The following METTL15 variants were observed in gnomAD, a reference collection of about 807,000 sequenced individuals.
METTL15 encodes methyltransferase 15, mitochondrial 12S rRNA N4-cytidine.
In METTL15, 34 loss-of-function variants were observed where a neutral mutation model predicts 38.3. The observed-to-expected ratio is 0.89, with a 90% CI of 0.68 to 1.18. The LOEUF is 1.18. Among genes scored for constraint, METTL15 ranks in the 50% most tolerant of loss-of-function variants. The pLI is 0.00. For missense variants in METTL15, 438 were observed against 498.4 expected, an observed-to-expected ratio of 0.88 and a Z score of 1.15; for synonymous variants, 162 against 170.9, an observed-to-expected ratio of 0.95 and a Z score of 0.41.
intron 4 of METTL15, among the ~76,000 whole-genome samples, chr11:28,259,174 C>T (rs956828379): frequency 2.6e-5 from 4 of 152,046 alleles, no homozygotes; most frequent in Non-Finnish European, 4.4e-5. Context: ...AAATGTCATC[C>T]AAGAGCTAGA....
intron 6 of METTL15, among the ~76,000 whole-genome samples, chr11:28,476,710 C>CCTACCCTGGATCCTACCCTGAT (rs1265147467): frequency 2.0e-5 from 3 of 152,174 alleles, no homozygotes; most frequent in Non-Finnish European, 4.4e-5. Flanking sequence ...CTACCCTGGT[C>CCTACCCTGGATCCTACCCTGAT]ACATGTTGGT....
chr11:28,357,913 T>A (rs10767714), intron 4 of METTL15, among the ~76,000 whole-genome samples: 64,250 of 151,942 alleles, frequency 0.42, 15,019 homozygotes, highest in Admixed American at 0.54. Context: ...CAAGTGTTAT[T>A]GGCAGAATTT....
At chr11:28,376,458 A>G (rs1372766118) in intron 5 of METTL15, among the ~76,000 whole-genome samples, 2 of 151,924 alleles carry the variant, frequency 1.3e-5, no homozygotes, top group Non-Finnish European at 1.5e-5. Flanking sequence ...TTGGTTTAAA[A>G]TCTGTTTTAT....
At chr11:28,262,766 A>G (rs971210728) in intron 4 of METTL15, among the ~76,000 whole-genome samples, 6 of 152,046 alleles carry the variant, frequency 3.9e-5, no homozygotes, top group African/African-American at 1.4e-4. Flanking sequence ...ACACCTTCTC[A>G]TTCAGATTAA....
intron 6 of METTL15, among the ~76,000 whole-genome samples, chr11:28,428,903 A>T (rs1850887303): frequency 1.3e-5 from 2 of 152,066 alleles, no homozygotes; most frequent in Admixed American, 1.3e-4. Context: ...CCTATTCCTA[A>T]AGCCCAGGCC....
At position 28,330,531 on chromosome 11, in the gene METTL15, C is replaced by T. The variant is rs1271756160; in HGVS notation, c.914C>T (p.Thr305Ile). The T allele has an allele frequency of 6.4e-7, 1 of 1,551,684 alleles. No homozygotes were observed. Among genetic ancestry groups the T allele is most frequent in the Non-Finnish European group, 8.7e-7 (1 of 1,146,982 alleles). Residue 305 changes from threonine (T) to isoleucine (I), a missense_variant, in exon 7 of 7, where the codon ACA becomes ATA. Transcript: ENST00000407364. ...ELNELYTGLK[T>I]AQKFLRPGGR... Reference sequence around the variant, plus strand: ...AATGAACTCTACACGGGACTGAAGACAGCTCAGAAGTTTCTGAGACCTGGT... The same window carrying T: ...AATGAACTCTACACGGGACTGAAGATAGCTCAGAAGTTTCTGAGACCTGGT...
At chr11:28,345,724 A>G (rs1849990560) in intron 3 of METTL15, among the ~76,000 whole-genome samples, 1 of 152,158 alleles carries the variant, frequency 6.6e-6, no homozygotes, top group Non-Finnish European at 1.5e-5. Context: ...TTTAAAATAA[A>G]ATGACCAAAA....
At chr11:28,339,667 G>A (rs1255693097) in intron 3 of METTL15, among the ~76,000 whole-genome samples, 1 of 152,072 alleles carries the variant, frequency 6.6e-6, no homozygotes, top group Admixed American at 6.6e-5. Flanking sequence ...TGGAGAGAAA[G>A]TGACAGAATT....
intron 5 of METTL15, among the ~76,000 whole-genome samples, chr11:28,422,211 T>C (rs1410144584): frequency 6.6e-6 from 1 of 151,966 alleles, no homozygotes; most frequent in Non-Finnish European, 1.5e-5. Context: ...ATGGAAGCTA[T>C]TACATGTTTA....
At chr11:28,329,379 G>T (rs1849742637) in intron 6 of METTL15, among the ~76,000 whole-genome samples, 3 of 152,052 alleles carry the variant, frequency 2.0e-5, no homozygotes. Flanking sequence ...ATTCATAAAT[G>T]TAAGTCCTGC....
intron 3 of METTL15, among the ~76,000 whole-genome samples, chr11:28,173,010 G>A (rs1850913940): frequency 6.6e-6 from 1 of 152,028 alleles, no homozygotes; most frequent in Non-Finnish European, 1.5e-5. Flanking sequence ...AAGACTTAAC[G>A]AAACTCTTAT....
chr11:28,469,641 A>G (rs1318235331), intron 6 of METTL15, among the ~76,000 whole-genome samples: 1 of 152,136 alleles, frequency 6.6e-6, no homozygotes, highest in African/African-American at 2.4e-5. Context: ...CAACCTCTTC[A>G]TTATTATAAA....
chr11:28,270,514 G>T (rs1488158415), intron 4 of METTL15, among the ~76,000 whole-genome samples: 2 of 152,098 alleles, frequency 1.3e-5, no homozygotes, highest in Non-Finnish European at 2.9e-5. Context: ...AATATTATGC[G>T]GTGATCAAGA....
At chr11:28,363,194 G>C (rs534881651) in intron 5 of METTL15, among the ~76,000 whole-genome samples, 1 of 151,458 alleles carries the variant, frequency 6.6e-6, no homozygotes, top group African/African-American at 2.4e-5. Context: ...TTTTTTTTGA[G>C]ACAGAGCCTC....
intron 6 of METTL15, among the ~76,000 whole-genome samples, chr11:28,310,355 C>A (rs1857231397): frequency 6.6e-6 from 1 of 151,018 alleles, no homozygotes; most frequent in African/African-American, 2.4e-5. Flanking sequence ...CAGAGGTACA[C>A]ACACACACAC....
chr11:28,462,890 AG>A (rs1196030000), intron 6 of METTL15, among the ~76,000 whole-genome samples: 1 of 152,144 alleles, frequency 6.6e-6, no homozygotes, highest in Non-Finnish European at 1.5e-5. Flanking sequence ...CAATTTATGA[AG>A]GGTTCTGTAT....
intron 6 of METTL15, among the ~76,000 whole-genome samples, chr11:28,452,132 C>T (rs1851128278): frequency 6.6e-6 from 1 of 152,164 alleles, no homozygotes; most frequent in Non-Finnish European, 1.5e-5. Flanking sequence ...CAAGTAGTGT[C>T]CAAAGTCAAG....
intron 4 of METTL15, among the ~76,000 whole-genome samples, chr11:28,262,629 G>A (rs2133942739): frequency 6.6e-6 from 1 of 152,170 alleles, no homozygotes; most frequent in East Asian, 1.9e-4. Flanking sequence ...TCACTTTCTA[G>A]GTTAATCAGA....
intron 6 of METTL15, among the ~76,000 whole-genome samples, chr11:28,427,584 T>G (rs1183656244): frequency 6.6e-6 from 1 of 152,200 alleles, no homozygotes; most frequent in African/African-American, 2.4e-5. Context: ...GTTTTTCCAT[T>G]TGTTTGTGTC....
Sources: allele counts gnomAD v4.1 joint callset (sites outside exome capture counted in the v4.1 genomes callset), GRCh38; gene constraint gnomAD v4.1.1; transcripts MANE v1.5; gene names NCBI Gene and HGNC (gene_info 2026-07-23, HGNC 2026-07-21).